RAB4A: variants seen among roughly 807,000 people sequenced by gnomAD.
RAB4A encodes RAB4A, member RAS oncogene family, also known as ras-related protein Rab-4A.
In RAB4A, 20 loss-of-function variants were observed where a neutral mutation model predicts 34.5. The observed-to-expected ratio is 0.58, with a 90% CI of 0.41 to 0.84. The LOEUF (loss-of-function observed/expected upper bound fraction) is 0.84, where lower values mean the gene tolerates loss of function less well. RAB4A is among the 40% of genes least tolerant of loss of function. The pLI is 0.00. For synonymous variants in RAB4A, 102 were observed against 100.0 expected, an observed-to-expected ratio of 1.02 and a Z score of -0.12; for missense variants, 228 against 274.5, an observed-to-expected ratio of 0.83 and a Z score of 1.20.
intron 3 of RAB4A, among the ~76,000 whole-genome samples, chr1:229,294,677 T>C (rs1305570848): frequency 6.6e-6 from 1 of 152,134 alleles, no homozygotes; most frequent in Non-Finnish European, 1.5e-5. Context: ...CCGTCTGTAC[T>C]AAAAATACAA....
chr1:229,298,471 GC>G (rs931943050), intron 5 of RAB4A, among the ~76,000 whole-genome samples: 2 of 152,184 alleles, frequency 1.3e-5, no homozygotes, highest in African/African-American at 4.8e-5. Context: ...AGCAGAACAG[GC>G]CTTTCTGCTG....
At chr1:229,302,315 T>A (rs868142115) in intron 6 of RAB4A, among the ~76,000 whole-genome samples, 112 of 78,056 alleles carry the variant, frequency 1.4e-3, no homozygotes, top group Non-Finnish European at 2.1e-3. Context: ...ATATATTTTT[T>A]TTTTTTTTTT....
At chr1:229,284,611 T>G (rs1053718141) in intron 1 of RAB4A, among the ~76,000 whole-genome samples, 1 of 152,200 alleles carries the variant, frequency 6.6e-6, no homozygotes, top group Admixed American at 6.5e-5. Flanking sequence ...CCTAGTTTCT[T>G]TACAAGCCTT....
rs760821453 is a variant in RAB4A at position 229,295,921 on chromosome 1, C to G, written c.290+11C>G. On this transcript the variant is annotated intron_variant, in intron 4 of 7. Coordinates refer to ENST00000366690, the MANE Select transcript of RAB4A (RefSeq NM_004578.4). ...CTATGATATCACCAGGTAATGCCAG[C>G]TCCCCCTGGTGAAGGAGGGTGCTCA... The G allele has an allele frequency of 1.9e-6, 3 of 1,613,912 alleles. No individual in the cohort carries two copies. In the Admixed American group the frequency reaches 5.0e-5, roughly 27 times the overall value.
chr1:229,272,864 G>T (rs1399906230), intron 1 of RAB4A, among the ~76,000 whole-genome samples: 2 of 152,208 alleles, frequency 1.3e-5, no homozygotes, highest in East Asian at 3.8e-4. Flanking sequence ...AAAGGGGCAT[G>T]ACATCTGTTC....
chr1:229,293,675 AC>A (rs1283892873), intron 3 of RAB4A, among the ~76,000 whole-genome samples: 1 of 152,164 alleles, frequency 6.6e-6, no homozygotes, highest in East Asian at 1.9e-4. Context: ...CAGGCAGCCA[AC>A]ACAGAGACAG....
chr1:229,273,726 G>A lies in RAB4A; in HGVS notation c.31+2356G>A, dbSNP rs1656564895. On this transcript the variant is annotated intron_variant, in intron 1 of 7. Transcript: ENST00000366690. ...TGCACTCCATCCTGGGCAACAGAGT[G>A]AGACTCTGTCTCAAAAAAAGAAAAT... Among the ~76,000 whole-genome samples the A allele has an allele frequency of 2.6e-5, 4 of 152,294 alleles. No individual in the cohort carries two copies. In the South Asian group the frequency reaches 8.3e-4, roughly 32 times the overall value.
chr1:229,295,036 C>T (rs1345950333), intron 3 of RAB4A, among the ~76,000 whole-genome samples: 2 of 151,176 alleles, frequency 1.3e-5, no homozygotes, highest in Admixed American at 6.6e-5. Flanking sequence ...GATCGCTCAC[C>T]GTCACCTCAA....
intron 5 of RAB4A, among the ~76,000 whole-genome samples, chr1:229,298,568 C>T (rs1657302985): frequency 2.0e-5 from 3 of 152,162 alleles, no homozygotes; most frequent in Admixed American, 2.0e-4. Flanking sequence ...GCAATATAGT[C>T]CCCTAAAAAG....
intron 2 of RAB4A, among the ~76,000 whole-genome samples, chr1:229,287,813 T>G (rs557289636): frequency 1.3e-5 from 2 of 152,174 alleles, no homozygotes; most frequent in African/African-American, 2.4e-5. Context: ...AAATAATAAA[T>G]CCAGTTGCCA....
intron 1 of RAB4A, among the ~76,000 whole-genome samples, chr1:229,278,403 T>C (rs1453362780): frequency 6.6e-6 from 1 of 152,172 alleles, no homozygotes; most frequent in Non-Finnish European, 1.5e-5. Flanking sequence ...TCATTTTTCT[T>C]ATCCTGGCCA....
At chr1:229,274,343 G>C (rs1223865307) in intron 1 of RAB4A, among the ~76,000 whole-genome samples, 1 of 151,882 alleles carries the variant, frequency 6.6e-6, no homozygotes, top group East Asian at 1.9e-4. Flanking sequence ...GAGATCACAG[G>C]CATGAGCCAC....
Position 229,305,533 on chromosome 1 carries a change from T to A in RAB4A, c.*1740T>A, listed in dbSNP as rs1481697071. 8.5e-6 allele frequency: 3 copies of A among 352,112 alleles called. No individual in the cohort carries two copies. Among genetic ancestry groups the A allele is most frequent in the African/African-American group, 2.1e-5 (1 of 47,418 alleles). The allele number at this position is 352,112 out of a possible 1,614,324, so 21.8% of individuals were successfully genotyped here. A position where few individuals can be genotyped will look rare whatever the true frequency, so the allele number is the denominator to read the frequency against. ...TGGTGGTTCTTAATCAGGCTTTGCC[T>A]TTAGGGAGAATGAGGAGGAGAGATA... is the stretch of plus-strand genomic sequence containing the variant. On this transcript the variant is annotated 3_prime_UTR_variant, in exon 8 of 8. Coordinates refer to ENST00000366690, the MANE Select transcript of RAB4A (RefSeq NM_004578.4).
At chr1:229,284,923 A>C (rs935193200) in intron 1 of RAB4A, among the ~76,000 whole-genome samples, 1 of 152,090 alleles carries the variant, frequency 6.6e-6, no homozygotes, top group African/African-American at 2.4e-5. Context: ...CTCAGCTCTC[A>C]GTACTGCCTA....
At position 229,288,610 on chromosome 1, in the gene RAB4A, G is replaced by T. The variant is rs890176861; in HGVS notation, c.113-119G>T. 5 of 584,458 alleles carry T rather than the reference G, an allele frequency of 8.6e-6. No homozygotes were observed. In the Admixed American group the frequency reaches 1.8e-4, roughly 21 times the overall value. The allele number at this position is 584,458 out of a possible 1,614,324, so 36.2% of individuals were successfully genotyped here. A position where few individuals can be genotyped will look rare whatever the true frequency, so the allele number is the denominator to read the frequency against. On this transcript the variant is annotated intron_variant, in intron 2 of 7. Transcript: ENST00000366690. Reference sequence around the variant, plus strand: ...TCAATGGAATGTTGGAGAAATGAATGGCTAGAGTAATGTCCATTCCCCATT... The same window carrying T: ...TCAATGGAATGTTGGAGAAATGAATTGCTAGAGTAATGTCCATTCCCCATT...
At position 229,304,354 on chromosome 1, in the gene RAB4A, CA is replaced by C. The variant is rs530764034; in HGVS notation, c.*562del. The C allele has an allele frequency of 1.3e-5, 2 of 152,186 alleles. No homozygotes were observed. Among genetic ancestry groups the C allele is most frequent in the South Asian group, 4.2e-4 (2 of 4,812 alleles). 9.4% of individuals were successfully genotyped at this position (152,186 alleles called of 1,614,324 possible). ...GTGATCCACACTTGAAATACTAGAT[CA>C]GTAGACATTCACTAATATACCAAAA... On this transcript the variant is annotated 3_prime_UTR_variant, in exon 8 of 8. Transcript: ENST00000366690.
Position 229,295,914 on chromosome 1 carries a change from A to G in RAB4A, c.290+4A>G. 6.2e-7 allele frequency: 1 copy of G among 1,614,000 alleles called. No homozygotes were observed. Among genetic ancestry groups the G allele is most frequent in the Non-Finnish European group, 8.5e-7 (1 of 1,179,934 alleles). ...TCCTCGTCTATGATATCACCAGGTA[A>G]TGCCAGCTCCCCCTGGTGAAGGAGG... On this transcript the variant is annotated splice_donor_region_variant and intron_variant, in intron 4 of 7. Coordinates refer to ENST00000366690, the MANE Select transcript of RAB4A (RefSeq NM_004578.4).
At chr1:229,293,258 T>C (rs1332735651) in intron 3 of RAB4A, among the ~76,000 whole-genome samples, 1 of 152,046 alleles carries the variant, frequency 6.6e-6, no homozygotes, top group Non-Finnish European at 1.5e-5. Flanking sequence ...TGTGGAGGTT[T>C]TATTACAAAG....
intron 7 of RAB4A, 147 bp from the exon 8 acceptor site, chr1:229,303,659 C>T (rs1657475392): frequency 1.3e-5 from 2 of 152,106 alleles, no homozygotes; most frequent in African/African-American, 2.4e-5. Flanking sequence ...CCACAGTGGA[C>T]GTTTTATTTA....
Sources: gnomAD v4.1 joint callset for allele counts (sites outside exome capture counted in the v4.1 genomes callset) on GRCh38, gnomAD v4.1.1 for gene constraint, MANE v1.5 for transcripts, NCBI Gene and HGNC (gene_info 2026-07-23, HGNC 2026-07-21) for gene names.